Variants in FANCL observed in about 807,000 individuals in gnomAD.
FANCL encodes the protein FA complementation group L.
A neutral mutation model predicts 59.4 loss-of-function variants in FANCL; 69 were observed. That is an observed-to-expected ratio of 1.16 (90% confidence interval 0.96 to 1.42). FANCL has a LOEUF of 1.42. Ranked by LOEUF, FANCL falls within the 40% of genes most tolerant of loss-of-function variation. The probability of loss-of-function intolerance (pLI) is 0.00; values close to 1 mark genes in which losing one functional copy is unlikely to be tolerated. For missense variants in FANCL, 519 were observed against 447.2 expected (o/e 1.16, Z -1.45); for synonymous variants, 180 against 147.1 (o/e 1.22, Z -1.62).
At chr2:58,169,617 G>C (rs1330148850) in intron 7 of FANCL, among the ~76,000 whole-genome samples, 1 of 151,804 alleles carries the variant, frequency 6.6e-6, no homozygotes, top group Non-Finnish European at 1.5e-5. Context: ...AGCTAAAGGA[G>C]CATGTTCTAA....
At chr2:58,233,646 A>G (rs923565468) in intron 1 of FANCL, among the ~76,000 whole-genome samples, 3 of 151,900 alleles carry the variant, frequency 2.0e-5, no homozygotes, top group African/African-American at 7.3e-5. Flanking sequence ...AATAGAACCT[A>G]CTCTAGGACT....
At chr2:58,205,442 C>T (rs958725034) in intron 5 of FANCL, among the ~76,000 whole-genome samples, 2 of 151,930 alleles carry the variant, frequency 1.3e-5, no homozygotes, top group African/African-American at 2.4e-5. Flanking sequence ...AAATGCTTCA[C>T]CTCCAAAAAA....
At chr2:58,172,489 C>T (rs1573562002) in intron 7 of FANCL, among the ~76,000 whole-genome samples, 1 of 152,194 alleles carries the variant, frequency 6.6e-6, no homozygotes. Flanking sequence ...CCCAGGCAAA[C>T]AGGGTCTGGA....
chr2:58,198,769 C>T, intron 6 of FANCL, 107 bp from the exon 7 acceptor site: 1 of 803,318 alleles, frequency 1.2e-6, no homozygotes, highest in Non-Finnish European at 2.1e-6. Flanking sequence ...GTGGCTCACG[C>T]CTGTAATCCC....
At position 58,162,896 on chromosome 2, in the gene FANCL, A is replaced by T; in HGVS notation, c.873T>A (p.Asp291Glu). 1 of 1,612,890 alleles carries T rather than the reference A, an allele frequency of 6.2e-7. No individual in the cohort carries two copies. The highest frequency in any genetic ancestry group is 8.5e-7 in the Non-Finnish European group (1 of 1,179,144). The change falls in exon 11 of 14, where the codon GAT becomes GAA. Residue 291 changes from aspartate (D) to glutamate (E), a missense_variant. By Grantham distance (45) the Asp-to-Glu change is conservative. Coordinates refer to ENST00000233741, the MANE Select transcript of FANCL (RefSeq NM_018062.4). ...LQNLKDVLEI[D>E]FPARAILEKS... ...TTTCCAGGATAGCACGAGCTGGAAA[A>T]TCAATTTCTAAAACATCTTTCAAAT...
chr2:58,194,229 A>T (rs1403377939), intron 7 of FANCL: 3 of 471,010 alleles, frequency 6.4e-6, no homozygotes, highest in African/African-American at 6.0e-5. Flanking sequence ...GCACACTTAC[A>T]GGCAAAACCG....
At position 58,226,803 on chromosome 2, in the gene FANCL, A is replaced by T. The variant is rs756913424; in HGVS notation, c.217-19T>A. ...GCATTCTCTAGATCAAAATATTTCC[A>T]ATTAATTTCATTTGCACAATAAATA... On this transcript the variant is annotated intron_variant, in intron 3 of 13. Transcript: ENST00000233741. The T allele has an allele frequency of 3.8e-6, 6 of 1,597,774 alleles. No individual in the cohort carries two copies. The highest frequency in any genetic ancestry group is 4.3e-6 in the Non-Finnish European group (5 of 1,165,468).
intron 7 of FANCL, among the ~76,000 whole-genome samples, chr2:58,179,561 T>A (rs529920079): frequency 1.3e-5 from 2 of 152,278 alleles, no homozygotes; most frequent in South Asian, 2.1e-4. Flanking sequence ...GACCCCTCCC[T>A]TACACCTTAT....
At position 58,170,355 on chromosome 2, in the gene FANCL, C is replaced by G. The variant is rs150772160; in HGVS notation, c.541-4481G>C. Among the ~76,000 whole-genome samples, 990 of 152,272 alleles carry G rather than the reference C, an allele frequency of 6.5e-3. 21 individuals are homozygous for G. Among genetic ancestry groups the G allele is most frequent in the African/African-American group, 0.023 (943 of 41,542 alleles). On this transcript the variant is annotated intron_variant, in intron 7 of 13. Coordinates refer to ENST00000233741, the MANE Select transcript of FANCL (RefSeq NM_018062.4). ...AAATCCTGATAGATCTTGTCACCAC[C>G]AGGCCTGCCTTACAAGAGCTCCTGA...
chr2:58,159,273 C>T lies in FANCL; in HGVS notation c.*492G>A. 1 of 1,163,652 alleles carries T rather than the reference C, an allele frequency of 8.6e-7. No individual in the cohort carries two copies. Among genetic ancestry groups the T allele is most frequent in the African/African-American group, 1.5e-5 (1 of 64,848 alleles). 72.1% of individuals were successfully genotyped at this position (1,163,652 alleles called of 1,614,324 possible). A position where few individuals can be genotyped will look rare whatever the true frequency, so the allele number is the denominator to read the frequency against. ...CTTGTATAACATTTTATTTAGCATT[C>T]TTACACACTACACAAAATAAATACT... On this transcript the variant is annotated 3_prime_UTR_variant, in exon 14 of 14. Transcript: ENST00000233741.
chr2:58,179,627 A>C (rs1687720740), intron 7 of FANCL, among the ~76,000 whole-genome samples: 1 of 152,228 alleles, frequency 6.6e-6, no homozygotes, highest in African/African-American at 2.4e-5. Context: ...AAAACCATAA[A>C]AACCCTAGAA....
intron 3 of FANCL, 67 bp downstream of exon 3, chr2:58,229,747 T>A: frequency 5.8e-6 from 7 of 1,216,662 alleles, no homozygotes; most frequent in Non-Finnish European, 7.3e-6. Flanking sequence ...AGCAGGTCTT[T>A]AAAGAACAAT....
chr2:58,241,066 C>T (rs1694492916), intron 1 of FANCL, 152 bp downstream of exon 1: 1 of 759,942 alleles, frequency 1.3e-6, no homozygotes, highest in Non-Finnish European at 2.2e-6. Flanking sequence ...AGCGGCGCTT[C>T]TCAAACCTTT....
At chr2:58,181,732 T>C (rs1161287464) in intron 7 of FANCL, among the ~76,000 whole-genome samples, 2 of 151,914 alleles carry the variant, frequency 1.3e-5, no homozygotes, top group African/African-American at 4.8e-5. Flanking sequence ...CCATTAACTT[T>C]TTCAATGTTT....
intron 5 of FANCL, among the ~76,000 whole-genome samples, chr2:58,205,185 G>T (rs180733074): frequency 6.6e-6 from 1 of 152,044 alleles, no homozygotes; most frequent in Non-Finnish European, 1.5e-5. Flanking sequence ...ATCACTATAT[G>T]CCATTTAGAT....
At chr2:58,169,741 G>A (rs1686353453) in intron 7 of FANCL, among the ~76,000 whole-genome samples, 1 of 151,924 alleles carries the variant, frequency 6.6e-6, no homozygotes, top group Non-Finnish European at 1.5e-5. Flanking sequence ...CACAGCACGA[G>A]AACTTTGTGA....
intron 7 of FANCL, among the ~76,000 whole-genome samples, chr2:58,173,684 G>A (rs1372692210): frequency 6.6e-6 from 1 of 152,106 alleles, no homozygotes; most frequent in African/African-American, 2.4e-5. Context: ...GCAAAATCAT[G>A]CCAAATTGTA....
intron 2 of FANCL, among the ~76,000 whole-genome samples, 165 bp from the exon 3 acceptor site, chr2:58,230,039 T>C (rs1693417572): frequency 1.3e-5 from 2 of 152,240 alleles, no homozygotes. Flanking sequence ...GTCTTCAAAC[T>C]GTTGGTACTA....
chr2:58,194,328 C>A (rs1489037979), intron 7 of FANCL: 1 of 470,160 alleles, frequency 2.1e-6, no homozygotes, highest in Admixed American at 2.4e-5. Context: ...CACTTAAAAT[C>A]TGACATTTAG....
Sources: allele counts gnomAD v4.1 joint callset (sites outside exome capture counted in the v4.1 genomes callset), GRCh38; gene constraint gnomAD v4.1.1; transcripts MANE v1.5; gene names NCBI Gene and HGNC (gene_info 2026-07-23, HGNC 2026-07-21).